The following PTPA variants were observed in gnomAD, a reference collection of about 807,000 sequenced individuals.
The protein encoded by PTPA is protein phosphatase 2 phosphatase activator, also known as serine/threonine-protein phosphatase 2A activator.
In PTPA, 13 loss-of-function variants were observed where a neutral mutation model predicts 43.6. That is an observed-to-expected ratio of 0.30 (90% CI 0.19 to 0.47). PTPA has a LOEUF of 0.47. Ranked by LOEUF, PTPA falls within the 20% of genes least tolerant of loss-of-function variation. The probability of loss-of-function intolerance (pLI) is 0.99; values close to 1 mark genes in which losing one functional copy is unlikely to be tolerated. For missense variants in PTPA, 329 were observed against 411.9 expected (o/e 0.80, Z 1.74); for synonymous variants, 172 against 158.2 (o/e 1.09, Z -0.66).
At chr9:129,127,908 A>G (rs1201853683) in intron 3 of PTPA, 1 of 1,146,566 alleles carries the variant, frequency 8.7e-7, no homozygotes, top group Admixed American at 2.3e-5. Flanking sequence ...ATGCAGTGGC[A>G]CGATGAAATG....
At chr9:129,112,479 A>G (rs1588476073) in intron 1 of PTPA, among the ~76,000 whole-genome samples, 1 of 152,200 alleles carries the variant, frequency 6.6e-6, no homozygotes, top group Admixed American at 6.5e-5. Flanking sequence ...CCTGTCTCCA[A>G]TGTTGGGGTC....
intron 5 of PTPA, among the ~76,000 whole-genome samples, chr9:129,133,807 C>T (rs1402995750): frequency 6.6e-6 from 1 of 152,234 alleles, no homozygotes; most frequent in Non-Finnish European, 1.5e-5. Context: ...CCCTTGCTCT[C>T]ACTGCCTTCG....
intron 3 of PTPA, among the ~76,000 whole-genome samples, chr9:129,125,548 A>G (rs1266656924): frequency 6.6e-6 from 1 of 152,016 alleles, no homozygotes; most frequent in Non-Finnish European, 1.5e-5. Context: ...CGGCCCAGGT[A>G]TTGTCTTAGC....
intron 9 of PTPA, among the ~76,000 whole-genome samples, chr9:129,145,727 C>T (rs944222257): frequency 6.6e-6 from 1 of 151,848 alleles, no homozygotes; most frequent in East Asian, 1.9e-4. Flanking sequence ...TGCGGGGCGG[C>T]GGGGGGGAGG....
intron 7 of PTPA, 40 bp from the exon 8 acceptor site, chr9:129,137,552 G>A: frequency 6.5e-7 from 1 of 1,531,448 alleles, no homozygotes; most frequent in Non-Finnish European, 8.9e-7. Flanking sequence ...GGTAGTCGTG[G>A]GGCCTGGTTC....
Position 129,147,388 on chromosome 9 carries a change from G to C in PTPA, c.896G>C (p.Cys299Ser), listed in dbSNP as rs761583809. Residue 299 changes from cysteine to serine, a missense_variant and splice_region_variant, in exon 10 of 10, where the codon TGC (cysteine) becomes TCC (serine). Physicochemically the swap from Cys to Ser is moderately radical, Grantham distance 112. Coordinates refer to ENST00000393370, the MANE Select transcript of PTPA (RefSeq NM_178000.3). Reference sequence around the variant, plus strand: ...TGCTCACCTGCTCCTTCCTCACAGTGCCTGGAGAAGTTCCCTGTGATCCAG... The same window carrying C: ...TGCTCACCTGCTCCTTCCTCACAGTCCCTGGAGAAGTTCCCTGTGATCCAG... ...QGLIRMYKAECLEKFPVIQHF... is the reference protein window; with the variant it reads ...QGLIRMYKAESLEKFPVIQHF... 1.9e-6 allele frequency: 3 copies of C among 1,613,788 alleles called. No homozygotes were observed. Among genetic ancestry groups the C allele is most frequent in the African/African-American group, 1.3e-5 (1 of 74,934 alleles).
intron 1 of PTPA, among the ~76,000 whole-genome samples, chr9:129,112,937 G>A (rs1307186733): frequency 3.7e-4 from 9 of 24,286 alleles, no homozygotes; most frequent in African/African-American, 9.1e-4. Context: ...GTGAAACTCC[G>A]TCACCCCCCA....
At chr9:129,136,643 G>T (rs778424213) in intron 7 of PTPA, 48 bp downstream of exon 7, 1 of 1,553,126 alleles carries the variant, frequency 6.4e-7, no homozygotes, top group Non-Finnish European at 8.7e-7. Context: ...CCAAGGCTGC[G>T]TTCTGTGGCC....
chr9:129,118,907 T>G (rs934834619), intron 1 of PTPA: 1 of 152,470 alleles, frequency 6.6e-6, no homozygotes, highest in African/African-American at 2.4e-5. Flanking sequence ...TGACTCATTG[T>G]GTATATGCAG....
In PTPA at chr9:129,111,454, C is replaced by G. The variant is rs530129287; in HGVS notation, c.-147C>G. On this transcript the variant is annotated 5_prime_UTR_variant, in exon 1 of 10. Coordinates refer to ENST00000393370, the MANE Select transcript of PTPA (RefSeq NM_178000.3). ...CGTCTTCGCTGTGGTGACTTTAACT[C>G]TCGGTTTTCGGTTATAGCCGGCCGG... is the stretch of plus-strand genomic sequence containing the variant. 1 of 1,256,294 alleles carries G rather than the reference C, an allele frequency of 8.0e-7. No homozygotes were observed. The highest frequency in any genetic ancestry group is 1.6e-5 in the African/African-American group (1 of 64,472). 77.8% of individuals were successfully genotyped at this position (1,256,294 alleles called of 1,614,324 possible).
chr9:129,132,423 G>A lies in PTPA; in HGVS notation c.460+784G>A, dbSNP rs560235099. 7.2e-5 allele frequency among the ~76,000 whole-genome samples: 11 copies of A among 152,102 alleles called. No homozygotes were observed. In the East Asian group the frequency reaches 7.7e-4, roughly 11 times the overall value. On this transcript the variant is annotated intron_variant, in intron 5 of 9. Coordinates refer to ENST00000393370, the MANE Select transcript of PTPA (RefSeq NM_178000.3). The stretch of plus-strand genomic sequence containing the variant: ...TGGCCCACTGCAGCCTTGACCTCCC[G>A]GGCCCAAGTGATCCTCTCACCTCTG...
At chr9:129,123,189 A>G in intron 3 of PTPA, 51 bp downstream of exon 3, 1 of 1,489,990 alleles carries the variant, frequency 6.7e-7, no homozygotes, top group Non-Finnish European at 9.3e-7. Flanking sequence ...ATAGCTCCAG[A>G]GTCACTGGGT....
chr9:129,128,536 C>CAAA (rs35647247), intron 3 of PTPA, among the ~76,000 whole-genome samples: 1 of 117,352 alleles, frequency 8.5e-6, no homozygotes. Flanking sequence ...AACTCTGTCT[C>CAAA]AAAAAAAAAA....
intron 8 of PTPA, 21 bp downstream of exon 8, chr9:129,137,713 A>G: frequency 6.4e-7 from 1 of 1,560,478 alleles, no homozygotes; most frequent in Non-Finnish European, 8.8e-7. Context: ...GGGGTGAGAG[A>G]GAAGCCCATG....
intron 6 of PTPA, among the ~76,000 whole-genome samples, chr9:129,136,069 GC>G (rs1801414974): frequency 6.6e-6 from 1 of 152,182 alleles, no homozygotes; most frequent in Admixed American, 6.5e-5. Context: ...CTGGGTTCAT[GC>G]CATTCTCCTG....
At chr9:129,111,839 G>T in intron 1 of PTPA, 1 of 1,202,706 alleles carries the variant, frequency 8.3e-7, no homozygotes, top group East Asian at 3.2e-5. Context: ...CTGCAAAGGG[G>T]TGGTGATTGG....
chr9:129,140,892 G>A (rs980078981), intron 8 of PTPA, among the ~76,000 whole-genome samples: 4 of 152,154 alleles, frequency 2.6e-5, no homozygotes, highest in African/African-American at 9.7e-5. Context: ...GTAGGCTCGG[G>A]GTGCCTGGCT....
intron 3 of PTPA, chr9:129,128,047 C>A: frequency 7.5e-7 from 1 of 1,341,110 alleles, no homozygotes; most frequent in East Asian, 4.8e-5. Flanking sequence ...TACCCCGCGC[C>A]GGGCACTGTG....
At position 129,142,945 on chromosome 9, in the gene PTPA, G is replaced by C. The variant is rs1184746014; in HGVS notation, c.894+393G>C. The C allele has an allele frequency of 2.8e-6, 4 of 1,427,266 alleles. No individual in the cohort carries two copies. The African/African-American group carries it at 4.3e-5, about 15-fold the overall frequency. 88.4% of individuals were successfully genotyped at this position (1,427,266 alleles called of 1,614,324 possible). On this transcript the variant is annotated intron_variant, in intron 9 of 9. Transcript: ENST00000393370. ...TACCTGGGAAGGGTCTTACCCTTTG[G>C]AGGCATCTCCAAAGTGCTGCCTTCA...
Sources: allele counts gnomAD v4.1 joint callset (sites outside exome capture counted in the v4.1 genomes callset), GRCh38; gene constraint gnomAD v4.1.1; transcripts MANE v1.5; gene names NCBI Gene and HGNC (gene_info 2026-07-23, HGNC 2026-07-21).